The following LRATD1 variants were observed in gnomAD, a reference collection of about 807,000 sequenced individuals.
The protein encoded by LRATD1 is LRAT domain containing 1.
A neutral mutation model predicts 21.3 loss-of-function variants in LRATD1; 8 were observed. The ratio of observed to expected loss-of-function variants is 0.38; its 90% CI spans 0.22 to 0.68. The LOEUF is 0.68. Ranked by LOEUF, LRATD1 falls within the 30% of genes least tolerant of loss-of-function variation. The pLI, the probability that LRATD1 is intolerant of heterozygous loss-of-function variation, is 0.54. For synonymous variants in LRATD1, 210 were observed against 186.2 expected (o/e 1.13, Z -1.04); for missense variants, 380 against 404.0 (o/e 0.94, Z 0.51).
At position 14,633,007 on chromosome 2, in the gene LRATD1, G is replaced by C. The variant is rs1253811975; in HGVS notation, c.-37+70G>C. 1 of 152,414 alleles carries C rather than the reference G, an allele frequency of 6.6e-6. No homozygotes were observed. Among genetic ancestry groups the C allele is most frequent in the Non-Finnish European group, 1.5e-5 (1 of 68,238 alleles). The allele number at this position is 152,414 out of a possible 1,614,324, so 9.4% of individuals were successfully genotyped here. A position where few individuals can be genotyped will look rare whatever the true frequency, so the allele number is the denominator to read the frequency against. ...ATCCGATTGTTTGGATCCTGTGCTG[G>C]GTAGGAGGGAGAGGGGTCTTTGGGC... On this transcript the variant is annotated intron_variant, in intron 1 of 1. Coordinates refer to ENST00000295092, the MANE Select transcript of LRATD1 (RefSeq NM_145175.4). This position sits in a 1 kb window ranked among gnomAD's most constrained non-coding sequence, Gnocchi z 7.5.
Position 14,635,704 on chromosome 2 carries a change from A to T in LRATD1, c.*846A>T. On this transcript the variant is annotated 3_prime_UTR_variant, in exon 2 of 2. Coordinates refer to ENST00000295092, the MANE Select transcript of LRATD1 (RefSeq NM_145175.4). Reference sequence around the variant, plus strand: ...TCGCTCGTTCACCTGGTGTCTGGGAACTTGAATGTGTGAAGGGCGCTTATT... The same window carrying T: ...TCGCTCGTTCACCTGGTGTCTGGGATCTTGAATGTGTGAAGGGCGCTTATT... 2.2e-6 allele frequency: 1 copy of T among 446,750 alleles called. No individual in the cohort carries two copies. Among genetic ancestry groups the T allele is most frequent in the Non-Finnish European group, 4.7e-6 (1 of 214,690 alleles). The allele number at this position is 446,750 out of a possible 1,614,324, so 27.7% of individuals were successfully genotyped here. A position where few individuals can be genotyped will look rare whatever the true frequency, so the allele number is the denominator to read the frequency against.
At position 14,635,681 on chromosome 2, in the gene LRATD1, G is replaced by C; in HGVS notation, c.*823G>C. On this transcript the variant is annotated 3_prime_UTR_variant, in exon 2 of 2. Transcript: ENST00000295092. ...CGGCCCCGCCCCCGACAAGGAGCTCGCTCGTTCACCTGGTGTCTGGGAACT... is the reference window on the plus strand; with the variant it reads ...CGGCCCCGCCCCCGACAAGGAGCTCCCTCGTTCACCTGGTGTCTGGGAACT... 2.2e-6 allele frequency: 1 copy of C among 461,756 alleles called. No individual in the cohort carries two copies. The highest frequency in any genetic ancestry group is 2.4e-5 in the Admixed American group (1 of 42,078). The allele number at this position is 461,756 out of a possible 1,614,324, so 28.6% of individuals were successfully genotyped here.
intron 4 of LRATD1, among the ~76,000 whole-genome samples, chr2:14,648,747 A>G (rs1185308737): frequency 1.3e-5 from 2 of 152,200 alleles, no homozygotes; most frequent in African/African-American, 2.4e-5. Flanking sequence ...AACCACTGCA[A>G]TGAGATCTTG....
Position 14,635,482 on chromosome 2 carries a change from AC to A in LRATD1, c.*625del, listed in dbSNP as rs1232942273. 3 of 471,044 alleles carry A rather than the reference AC, an allele frequency of 6.4e-6. No individual in the cohort carries two copies. Among genetic ancestry groups the A allele is most frequent in the African/African-American group, 6.0e-5 (3 of 50,064 alleles). 29.2% of individuals were successfully genotyped at this position (471,044 alleles called of 1,614,324 possible). On this transcript the variant is annotated 3_prime_UTR_variant, in exon 2 of 2. Coordinates refer to ENST00000295092, the MANE Select transcript of LRATD1 (RefSeq NM_145175.4). The stretch of plus-strand genomic sequence containing the variant: ...CAGCTCTCCAGCCCCAGGTCTCCTG[AC>A]ATTGTGTTCCAGGCTGCGGGCTAAG...
downstream of LRATD1, among the ~76,000 whole-genome samples, chr2:14,651,143 TG>T (rs1671999134): frequency 6.6e-6 from 1 of 152,198 alleles, no homozygotes; most frequent in South Asian, 2.1e-4. Flanking sequence ...ATTTTTATTT[TG>T]TGTTTACGTA....
In LRATD1 at chr2:14,635,671, C is replaced by T. The variant is rs1360511412; in HGVS notation, c.*813C>T. ...TGAGGACAGCCGGCCCCGCCCCCGA[C>T]AAGGAGCTCGCTCGTTCACCTGGTG... On this transcript the variant is annotated 3_prime_UTR_variant, in exon 2 of 2. Coordinates refer to ENST00000295092, the MANE Select transcript of LRATD1 (RefSeq NM_145175.4). 1 of 466,070 alleles carries T rather than the reference C, an allele frequency of 2.1e-6. No homozygotes were observed. Among genetic ancestry groups the T allele is most frequent in the Non-Finnish European group, 4.5e-6 (1 of 224,124 alleles). The allele number at this position is 466,070 out of a possible 1,614,324, so 28.9% of individuals were successfully genotyped here. A position where few individuals can be genotyped will look rare whatever the true frequency, so the allele number is the denominator to read the frequency against.
chr2:14,646,385 T>G (rs1333762943), intron 3 of LRATD1: 1 of 152,178 alleles, frequency 6.6e-6, no homozygotes, highest in Non-Finnish European at 1.5e-5. Context: ...ATTCTTTTGT[T>G]TTTCATCCTC....
chr2:14,634,834 C>G lies in LRATD1; in HGVS notation c.855C>G (p.Ala285=), dbSNP rs1319810208. The G allele has an allele frequency of 2.5e-6, 4 of 1,609,426 alleles. No homozygotes were observed. Among genetic ancestry groups the G allele is most frequent in the Admixed American group, 1.7e-5 (1 of 59,720 alleles). Residue 285 remains alanine, a synonymous_variant, in exon 2 of 2, where the codon GCC becomes GCG. Transcript: ENST00000295092. ...SGRLRVLQEL[A]DLVDDKE is the part of the protein sequence containing the mutation. ...GCCTGCGAGTGCTCCAGGAGCTCGC[C>G]GACCTCGTGGACGACAAGGAGTAGC...
At chr2:14,632,969 A>T (rs1405806013) in intron 1 of LRATD1, 32 bp downstream of exon 1, 1 of 152,514 alleles carries the variant, frequency 6.6e-6, no homozygotes, top group African/African-American at 2.4e-5. Flanking sequence ...TGCCTTGGAA[A>T]CGGTTTTTCT....
rs762371408 is a variant in LRATD1, at chr2:14,634,536, C to G, written c.557C>G (p.Pro186Arg). ...RVVNSWYRYRPLVAELVVQNA... is the reference protein window; with the variant it reads ...RVVNSWYRYRRLVAELVVQNA... ...GTGAATAGCTGGTACCGCTACCGCCCGCTGGTGGCCGAGCTGGTGGTGCAG... is the reference window on the plus strand; with the variant it reads ...GTGAATAGCTGGTACCGCTACCGCCGGCTGGTGGCCGAGCTGGTGGTGCAG... Residue 186 changes from proline to arginine, a missense_variant, in exon 2 of 2, where the codon CCG becomes CGG. Transcript: ENST00000295092. 6.7e-7 allele frequency: 1 copy of G among 1,495,206 alleles called. No homozygotes were observed. Among genetic ancestry groups the G allele is most frequent in the Non-Finnish European group, 8.9e-7 (1 of 1,122,688 alleles). 92.6% of individuals were successfully genotyped at this position (1,495,206 alleles called of 1,614,324 possible).
In LRATD1 at chr2:14,634,355, C is replaced by T. The variant is rs1313130382; in HGVS notation, c.376C>T (p.Leu126=). ...LPALCEPGDL[L]ELLWLQPAPE... ...AGCGCTCTGCGAACCCGGCGACCTG[C>T]TGGAGCTGCTGTGGCTGCAGCCCGC... The change falls in exon 2 of 2, where the codon CTG becomes TTG. Residue 126 remains leucine, a synonymous_variant. Coordinates refer to ENST00000295092, the MANE Select transcript of LRATD1 (RefSeq NM_145175.4). 4 of 1,578,500 alleles carry T rather than the reference C, an allele frequency of 2.5e-6. No individual in the cohort carries two copies. The highest frequency in any genetic ancestry group is 1.1e-5 in the South Asian group (1 of 88,478).
chr2:14,648,461 C>T (rs556016421), intron 4 of LRATD1, among the ~76,000 whole-genome samples: 2 of 152,210 alleles, frequency 1.3e-5, no homozygotes, highest in East Asian at 3.9e-4. Context: ...ACTATATATT[C>T]CAAAGAGAAG....
At chr2:14,649,288 A>G (rs770170855) in intron 4 of LRATD1, 1 of 456,610 alleles carries the variant, frequency 2.2e-6, no homozygotes. Context: ...ATTAAATAAA[A>G]ACATTGTGTT....
chr2:14,648,501 T>C (rs756747180), intron 4 of LRATD1, among the ~76,000 whole-genome samples: 8 of 152,228 alleles, frequency 5.3e-5, no homozygotes, highest in Non-Finnish European at 1.2e-4. Context: ...TTTCACACTT[T>C]TGCAAATTTT....
rs1671663645 is a variant in LRATD1 at position 14,635,349 on chromosome 2, A to G, written c.*491A>G. 2 of 476,050 alleles carry G rather than the reference A, an allele frequency of 4.2e-6. No individual in the cohort carries two copies. The highest frequency in any genetic ancestry group is 3.1e-5 in the South Asian group (2 of 64,614). 29.5% of individuals were successfully genotyped at this position (476,050 alleles called of 1,614,324 possible). A position where few individuals can be genotyped will look rare whatever the true frequency, so the allele number is the denominator to read the frequency against. ...AGCTCCTCTGTGGATGCGTCCCCAGATCGCAGGATTTCCAAGAAATCGAGC... is the reference window on the plus strand; with the variant it reads ...AGCTCCTCTGTGGATGCGTCCCCAGGTCGCAGGATTTCCAAGAAATCGAGC... On this transcript the variant is annotated 3_prime_UTR_variant, in exon 2 of 2. Coordinates refer to ENST00000295092, the MANE Select transcript of LRATD1 (RefSeq NM_145175.4).
Position 14,634,336 on chromosome 2 carries a change from C to T in LRATD1, c.357C>T (p.Leu119=). The T allele has an allele frequency of 6.3e-7, 1 of 1,588,922 alleles. No individual in the cohort carries two copies. Among genetic ancestry groups the T allele is most frequent in the Non-Finnish European group, 8.5e-7 (1 of 1,171,246 alleles). ...SVYAVTALPA[L]CEPGDLLELL... ...ACGCGGTCACCGCGCTGCCAGCGCT[C>T]TGCGAACCCGGCGACCTGCTGGAGC... Residue 119 remains leucine (L), a synonymous_variant, in exon 2 of 2, where the codon CTC becomes CTT. Coordinates refer to ENST00000295092, the MANE Select transcript of LRATD1 (RefSeq NM_145175.4).
At position 14,637,945 on chromosome 2, in the gene LRATD1, G is replaced by A. The variant is rs1232280132; in HGVS notation, c.*3087G>A. The A allele has an allele frequency of 6.0e-6, 1 of 167,014 alleles. No homozygotes were observed. The highest frequency in any genetic ancestry group is 1.9e-4 in the East Asian group (1 of 5,194). The allele number at this position is 167,014 out of a possible 1,614,324, so 10.3% of individuals were successfully genotyped here. A position where few individuals can be genotyped will look rare whatever the true frequency, so the allele number is the denominator to read the frequency against. Reference sequence around the variant, plus strand: ...ACAACAGGTTCACAGTAATTTCCATGATGTTGGGTGTGGCTAAGCTGGGGA... The same window carrying A: ...ACAACAGGTTCACAGTAATTTCCATAATGTTGGGTGTGGCTAAGCTGGGGA... On this transcript the variant is annotated 3_prime_UTR_variant, in exon 2 of 2. Transcript: ENST00000295092.
At chr2:14,640,602 G>A (rs1166764196), downstream of LRATD1, among the ~76,000 whole-genome samples, 1 of 152,174 alleles carries the variant, frequency 6.6e-6, no homozygotes, top group African/African-American at 2.4e-5. Flanking sequence ...AGACATTAAT[G>A]TTCTATTTGA....
rs1434807365 is a variant in LRATD1, at chr2:14,634,552, G to C, written c.573G>C (p.Leu191=). The change falls in exon 2 of 2, where the codon CTG becomes CTC. Residue 191 remains leucine (L), a synonymous_variant. Transcript: ENST00000295092. ...GCTACCGCCCGCTGGTGGCCGAGCT[G>C]GTGGTGCAGAACGCCTGCGGCCACC... ...WYRYRPLVAE[L]VVQNACGHLG... is the part of the protein sequence containing the mutation. 6.7e-7 allele frequency: 1 copy of C among 1,494,558 alleles called. No homozygotes were observed. Among genetic ancestry groups the C allele is most frequent in the Non-Finnish European group, 8.9e-7 (1 of 1,121,868 alleles). 92.6% of individuals were successfully genotyped at this position (1,494,558 alleles called of 1,614,324 possible). A position where few individuals can be genotyped will look rare whatever the true frequency, so the allele number is the denominator to read the frequency against.
Sources: gnomAD v4.1 joint callset for allele counts (sites outside exome capture counted in the v4.1 genomes callset) on GRCh38, gnomAD v4.1.1 for gene constraint, Gnocchi (gnomAD v3.1) non-coding constraint, MANE v1.5 for transcripts, NCBI Gene and HGNC (gene_info 2026-07-23, HGNC 2026-07-21) for gene names.